SLC33A2: variants seen among roughly 807,000 people sequenced by gnomAD.
The protein encoded by SLC33A2 is solute carrier family 33 member 2, also known as major facilitator superfamily domain containing 3.
chr8:144,509,975 G>T, the SLC33A2 span: 9 of 1,596,248 alleles, frequency 5.6e-6, no homozygotes, highest in South Asian at 1.1e-5. Context: ...CCGTGCCGGG[G>T]ACCGTGTGGA....
chr8:144,511,081 C>T, the SLC33A2 span: 29 of 1,608,864 alleles, frequency 1.8e-5, no homozygotes, highest in Non-Finnish European at 2.4e-5. Context: ...TGGGTTGGGG[C>T]CACATCCCTG....
chr8:144,510,489 C>A, the SLC33A2 span: 3 of 1,612,652 alleles, frequency 1.9e-6, no homozygotes, highest in South Asian at 2.2e-5. Context: ...CTGGGTGGGA[C>A]CTTGCTGGCC....
At chr8:144,510,318 G>T in the SLC33A2 span, 1 of 1,606,642 alleles carries the variant, frequency 6.2e-7, no homozygotes. Context: ...GGTGGGGGCA[G>T]ATATGGAACC....
At chr8:144,510,164 C>T in the SLC33A2 span, 2 of 1,278,530 alleles carry the variant, frequency 1.6e-6, no homozygotes, top group South Asian at 1.4e-5. Context: ...GGCTCTGCAG[C>T]TGGGCCTTGT....
the SLC33A2 span, chr8:144,509,096 G>T: frequency 1.1e-5 from 5 of 438,018 alleles, no homozygotes; most frequent in Non-Finnish European, 2.0e-5. Flanking sequence ...GCCGCCGGCC[G>T]CCGGTGTCCG....
chr8:144,510,739 G>A, the SLC33A2 span: 7 of 1,601,886 alleles, frequency 4.4e-6, no homozygotes, highest in Non-Finnish European at 6.0e-6. Context: ...GGCTGGCCTT[G>A]AGGAGGAAGA....
the SLC33A2 span, chr8:144,509,287 C>A: frequency 1.4e-6 from 2 of 1,421,568 alleles, no homozygotes; most frequent in Non-Finnish European, 1.8e-6. Flanking sequence ...CTTGCGGGAC[C>A]CCACCTGGAA....
the SLC33A2 span, chr8:144,509,474 C>T: frequency 6.2e-5 from 95 of 1,535,664 alleles, no homozygotes; most frequent in African/African-American, 1.2e-3. Flanking sequence ...AGGTTCTGTA[C>T]GCTCCGTGGC....
chr8:144,511,137 G>A, the SLC33A2 span: 3 of 1,610,470 alleles, frequency 1.9e-6, no homozygotes, highest in Non-Finnish European at 2.5e-6. Context: ...TTCTGTACCT[G>A]GACCTAGCAC....
chr8:144,511,163 G>C, the SLC33A2 span: 1 of 1,608,896 alleles, frequency 6.2e-7, no homozygotes, highest in African/African-American at 1.3e-5. Context: ...ACCTTTCTCT[G>C]AGCTGAGTGG....
the SLC33A2 span, chr8:144,509,953 GGGAC>G: frequency 6.3e-7 from 1 of 1,594,728 alleles, no homozygotes; most frequent in South Asian, 1.1e-5. Context: ...CACCTTCTGC[GGGAC>G]GTGCTAGCCG....
the SLC33A2 span, chr8:144,509,343 A>C: frequency 1.4e-6 from 2 of 1,466,764 alleles, no homozygotes; most frequent in South Asian, 1.3e-5. Flanking sequence ...CATGCGCGGG[A>C]AGTTGCTGCC....
the SLC33A2 span, chr8:144,509,357 G>A: frequency 1.4e-5 from 21 of 1,476,028 alleles, no homozygotes; most frequent in Non-Finnish European, 1.8e-5. Flanking sequence ...TGCTGCCGCT[G>A]GCCGGCCTCT....
the SLC33A2 span, chr8:144,511,209 C>T: frequency 6.3e-7 from 1 of 1,585,824 alleles, no homozygotes; most frequent in East Asian, 2.2e-5. Flanking sequence ...TGCCTGTGGC[C>T]CAGATGTCTC....
chr8:144,510,452 G>A, the SLC33A2 span: 1 of 1,612,934 alleles, frequency 6.2e-7, no homozygotes, highest in Non-Finnish European at 8.5e-7. Flanking sequence ...TGTGGGTGCT[G>A]TGGTCTGCTC....
At chr8:144,509,291 C>A in the SLC33A2 span, 1 of 1,425,076 alleles carries the variant, frequency 7.0e-7, no homozygotes, top group Non-Finnish European at 9.1e-7. Context: ...CGGGACCCCA[C>A]CTGGAACCCG....
At chr8:144,510,038 C>T in the SLC33A2 span, 10 of 1,583,178 alleles carry the variant, frequency 6.3e-6, no homozygotes, top group East Asian at 2.3e-5. Flanking sequence ...TCGAGCCAGG[C>T]AACAGCAGTT....
chr8:144,510,107 A>G, the SLC33A2 span: 1 of 1,434,000 alleles, frequency 7.0e-7, no homozygotes, highest in Non-Finnish European at 9.3e-7. Context: ...TTACAGGGCC[A>G]CGCTCTTTCT....
chr8:144,509,958 G>T, the SLC33A2 span: 2 of 1,595,436 alleles, frequency 1.3e-6, no homozygotes, highest in Middle Eastern at 1.7e-4. Context: ...TCTGCGGGAC[G>T]TGCTAGCCGT....
Sources: gnomAD v4.1 joint callset for allele counts on GRCh38, gnomAD v4.1.1 for gene constraint, MANE v1.5 for transcripts, NCBI Gene and HGNC (gene_info 2026-07-23, HGNC 2026-07-21) for gene names.